The following GALNT1 variants were observed in gnomAD, a reference collection of about 807,000 sequenced individuals.
GALNT1 encodes polypeptide N-acetylgalactosaminyltransferase 1.
A neutral mutation model predicts 65.7 loss-of-function variants in GALNT1; 17 were observed. The ratio of observed to expected loss-of-function variants is 0.26; its 90% confidence interval spans 0.18 to 0.39. The LOEUF (loss-of-function observed/expected upper bound fraction) is 0.39, where lower values mean the gene tolerates loss of function less well. Among genes scored for constraint, GALNT1 ranks in the 10% least tolerant of loss-of-function variants. GALNT1 has a pLI of 1.00. For missense variants in GALNT1, 460 were observed against 672.8 expected (o/e 0.68, Z 3.50); for synonymous variants, 210 against 219.7 (o/e 0.96, Z 0.39).
chr18:35,599,426 TA>T (rs1434799144), intron 1 of GALNT1, among the ~76,000 whole-genome samples: 1 of 150,016 alleles, frequency 6.7e-6, no homozygotes. Context: ...TGCAGTGAAT[TA>T]TGGCACAATC....
At chr18:35,672,729 G>A (rs1373432548) in intron 3 of GALNT1, among the ~76,000 whole-genome samples, 1 of 151,604 alleles carries the variant, frequency 6.6e-6, no homozygotes, top group Non-Finnish European at 1.5e-5. Context: ...TGATCTTAGG[G>A]AAGGAAGTGT....
intron 1 of GALNT1, among the ~76,000 whole-genome samples, chr18:35,636,989 T>C (rs1358112197): frequency 6.6e-6 from 1 of 152,098 alleles, no homozygotes; most frequent in Non-Finnish European, 1.5e-5. Flanking sequence ...GTTGTTATTA[T>C]TGTAATCATT....
At chr18:35,590,063 G>T (rs1380919988) in intron 1 of GALNT1, among the ~76,000 whole-genome samples, 1 of 152,118 alleles carries the variant, frequency 6.6e-6, no homozygotes, top group Admixed American at 6.6e-5. Flanking sequence ...TAAAATGATA[G>T]ACTAGTGATT....
At chr18:35,614,756 A>G (rs558783824) in intron 1 of GALNT1, among the ~76,000 whole-genome samples, 1 of 152,328 alleles carries the variant, frequency 6.6e-6, no homozygotes, top group South Asian at 2.1e-4. Flanking sequence ...AGAATCTGCA[A>G]GGAATGCCAA....
chr18:35,668,463 C>T lies in GALNT1; in HGVS notation c.314+4661C>T, dbSNP rs568834636. Among the ~76,000 whole-genome samples, 12 of 152,190 alleles carry T rather than the reference C, an allele frequency of 7.9e-5. No individual in the cohort carries two copies. The East Asian group carries it at 1.7e-3, about 22-fold the overall frequency. ...GAAAAAAATCAACAAAATCAAAAAA[C>T]GCTCTCCTAAATAGCAGATAATGGT... is the stretch of plus-strand genomic sequence containing the variant. On this transcript the variant is annotated intron_variant, in intron 3 of 11. Transcript: ENST00000269195.
At chr18:35,610,854 C>G (rs924809250) in intron 1 of GALNT1, among the ~76,000 whole-genome samples, 6 of 152,162 alleles carry the variant, frequency 3.9e-5, no homozygotes, top group African/African-American at 1.4e-4. Context: ...CCATTAGTGT[C>G]TGGCTTCTCA....
intron 1 of GALNT1, among the ~76,000 whole-genome samples, chr18:35,645,050 T>C (rs1165998085): frequency 6.6e-6 from 1 of 151,770 alleles, no homozygotes; most frequent in Non-Finnish European, 1.5e-5. Context: ...CAAAGCCTCA[T>C]TTGGGTTTTG....
intron 3 of GALNT1, among the ~76,000 whole-genome samples, chr18:35,669,656 CTAGAA>C (rs1411214601): frequency 2.0e-5 from 3 of 152,076 alleles, no homozygotes; most frequent in African/African-American, 7.2e-5. Flanking sequence ...CCTTAGCAAA[CTAGAA>C]TAGAAGGGAA....
intron 1 of GALNT1, among the ~76,000 whole-genome samples, chr18:35,584,646 G>A (rs761753466): frequency 2.0e-5 from 3 of 152,186 alleles, no homozygotes; most frequent in African/African-American, 7.2e-5. Context: ...CAGTTTTTCC[G>A]TGGACCAGGT....
chr18:35,587,911 A>G (rs931954384), intron 1 of GALNT1, among the ~76,000 whole-genome samples: 1 of 152,138 alleles, frequency 6.6e-6, no homozygotes. Context: ...GAGCCATGGT[A>G]TGTTGAAGAG....
At chr18:35,689,018 C>T (rs1184655606) in intron 6 of GALNT1, among the ~76,000 whole-genome samples, 155 bp from the exon 7 acceptor site, 1 of 152,120 alleles carries the variant, frequency 6.6e-6, no homozygotes, top group African/African-American at 2.4e-5. Context: ...CAGCATAAAA[C>T]ACAGAAAGCC....
intron 5 of GALNT1, among the ~76,000 whole-genome samples, chr18:35,683,921 G>C (rs1223066280): frequency 6.6e-6 from 1 of 152,206 alleles, no homozygotes; most frequent in African/African-American, 2.4e-5. Flanking sequence ...CCCTTCACTT[G>C]TCCTTGCACT....
At chr18:35,616,396 G>A (rs1319927398) in intron 1 of GALNT1, among the ~76,000 whole-genome samples, 1 of 152,142 alleles carries the variant, frequency 6.6e-6, no homozygotes, top group African/African-American at 2.4e-5. Flanking sequence ...GTTATACAGT[G>A]CCCATCAAAG....
At chr18:35,621,154 TTGTG>T (rs2046845986) in intron 1 of GALNT1, among the ~76,000 whole-genome samples, 1 of 151,704 alleles carries the variant, frequency 6.6e-6, no homozygotes, top group Non-Finnish European at 1.5e-5. Flanking sequence ...CATTTTTCAA[TTGTG>T]TGTGTTTTTG....
intron 2 of GALNT1, among the ~76,000 whole-genome samples, chr18:35,657,989 G>A (rs2047417738): frequency 6.6e-6 from 1 of 152,084 alleles, no homozygotes; most frequent in East Asian, 1.9e-4. Context: ...GAGACAGTGG[G>A]GTATCAGAAA....
intron 1 of GALNT1, among the ~76,000 whole-genome samples, chr18:35,618,638 A>G (rs2046814282): frequency 6.6e-6 from 1 of 152,178 alleles, no homozygotes; most frequent in African/African-American, 2.4e-5. Context: ...TGAATTAAAT[A>G]GCAGGTTTAT....
chr18:35,703,469 T>G (rs780454918), intron 10 of GALNT1, 40 bp from the exon 11 acceptor site: 1 of 1,589,212 alleles, frequency 6.3e-7, no homozygotes, highest in South Asian at 1.1e-5. Context: ...TGCTGACTAA[T>G]TTATTTTTTC....
At chr18:35,634,212 T>G (rs920032075) in intron 1 of GALNT1, among the ~76,000 whole-genome samples, 2 of 152,196 alleles carry the variant, frequency 1.3e-5, no homozygotes, top group African/African-American at 4.8e-5. Context: ...GAAAATATGT[T>G]TTTCTCATTT....
intron 1 of GALNT1, among the ~76,000 whole-genome samples, chr18:35,613,077 TTTTC>T (rs1324408503): frequency 2.0e-5 from 3 of 152,274 alleles, no homozygotes; most frequent in East Asian, 3.9e-4. Flanking sequence ...ACTACTCAAT[TTTTC>T]TTTCTTTCCA....
Sources: allele counts gnomAD v4.1 joint callset (sites outside exome capture counted in the v4.1 genomes callset), GRCh38; gene constraint gnomAD v4.1.1; transcripts MANE v1.5; gene names NCBI Gene and HGNC (gene_info 2026-07-23, HGNC 2026-07-21).